Variants in DLG2 observed in about 807,000 individuals in gnomAD.
DLG2 encodes the protein disks large homolog 2.
A neutral mutation model predicts 132.5 loss-of-function variants in DLG2; 45 were observed. The observed-to-expected ratio is 0.34, with a 90% confidence interval of 0.27 to 0.44. The LOEUF is 0.44. Among genes scored for constraint, DLG2 ranks in the 20% least tolerant of loss-of-function variants. The pLI, the probability that DLG2 is intolerant of heterozygous loss-of-function variation, is 1.00. For synonymous variants in DLG2, 424 were observed against 419.6 expected, an observed-to-expected ratio of 1.01 and a Z score of -0.13; for missense variants, 1,045 against 1,196.9, an observed-to-expected ratio of 0.87 and a Z score of 1.87.
At chr11:84,001,156 G>A (rs2154043702) in intron 11 of DLG2, among the ~76,000 whole-genome samples, 1 of 151,890 alleles carries the variant, frequency 6.6e-6, no homozygotes, top group Admixed American at 6.6e-5. Context: ...CTGGCTGAAA[G>A]GTTACAAAAA....
At chr11:83,871,656 T>C (rs1311449414) in intron 16 of DLG2, among the ~76,000 whole-genome samples, 2 of 152,280 alleles carry the variant, frequency 1.3e-5, no homozygotes, top group African/African-American at 4.8e-5. Context: ...TCTCTTCATC[T>C]GACAACCAGC....
chr11:85,110,726 A>G (rs1188707776), intron 6 of DLG2, among the ~76,000 whole-genome samples: 2 of 152,104 alleles, frequency 1.3e-5, no homozygotes, highest in East Asian at 3.9e-4. Context: ...CTGCTAACAT[A>G]GTTGTAAGAC....
At chr11:84,299,442 G>C (rs1054098795) in intron 7 of DLG2, among the ~76,000 whole-genome samples, 2 of 152,106 alleles carry the variant, frequency 1.3e-5, no homozygotes, top group Non-Finnish European at 2.9e-5. Context: ...GAAACACTCT[G>C]GATATAATTC....
chr11:84,651,019 C>T (rs1163126966), intron 6 of DLG2, among the ~76,000 whole-genome samples: 1 of 151,510 alleles, frequency 6.6e-6, no homozygotes, highest in East Asian at 1.9e-4. Context: ...AAATGCCCTC[C>T]AGAGATGCTG....
At chr11:84,535,066 T>C (rs189358445) in intron 6 of DLG2, among the ~76,000 whole-genome samples, 13 of 152,174 alleles carry the variant, frequency 8.5e-5, no homozygotes, top group Admixed American at 2.6e-4. Context: ...CTGACCAGAG[T>C]AGCTAAGTAT....
intron 7 of DLG2, among the ~76,000 whole-genome samples, chr11:84,373,270 CAA>C (rs1299753951): frequency 4.4e-5 from 2 of 45,168 alleles, no homozygotes; most frequent in African/African-American, 1.8e-4. Context: ...AAAAACAAAA[CAA>C]AAAAAAAACC....
At chr11:85,530,857 T>C (rs2075156454) in intron 3 of DLG2, among the ~76,000 whole-genome samples, 1 of 152,212 alleles carries the variant, frequency 6.6e-6, no homozygotes, top group African/African-American at 2.4e-5. Flanking sequence ...GCTTTGTCCC[T>C]CTGTATATTA....
chr11:83,641,862 A>AGTGTGTGT (rs34754104), intron 18 of DLG2, among the ~76,000 whole-genome samples: 1,841 of 147,904 alleles, frequency 0.012, 33 homozygotes, highest in African/African-American at 0.04. Context: ...AGAGAGAGGG[A>AGTGTGTGT]GTGTGTGTGT....
At chr11:85,622,088 C>T (rs1005941668) in intron 2 of DLG2, among the ~76,000 whole-genome samples, 2 of 152,176 alleles carry the variant, frequency 1.3e-5, no homozygotes, top group African/African-American at 4.8e-5. Context: ...CAAGATCTTC[C>T]ACCAGCAAAA....
intron 6 of DLG2, among the ~76,000 whole-genome samples, chr11:84,824,046 T>C (rs1043990053): frequency 1.3e-5 from 2 of 151,826 alleles, no homozygotes; most frequent in African/African-American, 4.8e-5. Context: ...CAAACTGGCA[T>C]TGGGGGTTTC....
intron 26 of DLG2, 84 bp from the exon 27 acceptor site, chr11:83,462,177 T>A: frequency 1.1e-6 from 1 of 903,014 alleles, no homozygotes; most frequent in Non-Finnish European, 1.8e-6. Context: ...AAATAAATCC[T>A]ACAGAAAACA....
chr11:85,386,317 C>A (rs79541176), intron 3 of DLG2, among the ~76,000 whole-genome samples: 1 of 152,030 alleles, frequency 6.6e-6, no homozygotes, highest in Admixed American at 6.6e-5. Context: ...ACTTTAAAGA[C>A]GAGAAAACTG....
chr11:84,574,721 C>G (rs2154528261), intron 6 of DLG2, among the ~76,000 whole-genome samples: 1 of 152,284 alleles, frequency 6.6e-6, no homozygotes, highest in African/African-American at 2.4e-5. Context: ...CATTGATCAT[C>G]ATCTCCGTGT....
intron 14 of DLG2, among the ~76,000 whole-genome samples, chr11:83,956,911 A>T (rs1239509323): frequency 6.6e-6 from 1 of 152,182 alleles, no homozygotes; most frequent in Non-Finnish European, 1.5e-5. Flanking sequence ...GTGTTTCTCA[A>T]ACTTGGGTAC....
At chr11:83,981,696 C>G (rs1022727833) in intron 11 of DLG2, among the ~76,000 whole-genome samples, 9 of 152,120 alleles carry the variant, frequency 5.9e-5, no homozygotes, top group African/African-American at 2.2e-4. Flanking sequence ...CTTGGCCTCC[C>G]AAAGTGCTGG....
intron 17 of DLG2, among the ~76,000 whole-genome samples, chr11:83,793,287 T>C (rs981507906): frequency 1.3e-4 from 20 of 152,212 alleles, no homozygotes; most frequent in African/African-American, 4.8e-4. Context: ...TTTTAAACAT[T>C]TAGTGAAGTC....
chr11:84,796,530 C>T (rs904000499), intron 6 of DLG2, among the ~76,000 whole-genome samples: 9 of 152,264 alleles, frequency 5.9e-5, no homozygotes, highest in African/African-American at 1.7e-4. Flanking sequence ...CATTAACATC[C>T]GTTTCCTTCA....
At chr11:83,581,633 G>A (rs187818708) in intron 19 of DLG2, among the ~76,000 whole-genome samples, 3 of 152,246 alleles carry the variant, frequency 2.0e-5, no homozygotes, top group Admixed American at 2.0e-4. Context: ...TTTTTCCCCA[G>A]CAAGACTTGT....
intron 7 of DLG2, among the ~76,000 whole-genome samples, chr11:84,491,336 T>G (rs943615734): frequency 3.3e-5 from 5 of 151,998 alleles, no homozygotes; most frequent in African/African-American, 1.2e-4. Context: ...CTGCACAAAC[T>G]CTATTTGCCT....
Sources: gnomAD v4.1 joint callset for allele counts (sites outside exome capture counted in the v4.1 genomes callset) on GRCh38, gnomAD v4.1.1 for gene constraint, MANE v1.5 for transcripts, NCBI Gene and HGNC (gene_info 2026-07-23, HGNC 2026-07-21) for gene names.